The following NELL1 variants were observed in gnomAD, a reference collection of about 807,000 sequenced individuals.
NELL1 encodes the protein neural EGFL like 1.
A neutral mutation model predicts 107.4 loss-of-function variants in NELL1; 76 were observed. That is an observed-to-expected ratio of 0.71 (90% confidence interval 0.59 to 0.86). The LOEUF is 0.86. NELL1 is among the 40% of genes least tolerant of loss of function. The pLI is 0.00. For missense variants in NELL1, 1,024 were observed against 1,005.5 expected (o/e 1.02, Z -0.25); for synonymous variants, 353 against 341.2 (o/e 1.03, Z -0.38).
chr11:20,729,471 G>A (rs1268117851), intron 2 of NELL1, among the ~76,000 whole-genome samples: 1 of 152,038 alleles, frequency 6.6e-6, no homozygotes, highest in Non-Finnish European at 1.5e-5. Context: ...ATTATTTTGA[G>A]TTATGTCCCT....
intron 13 of NELL1, among the ~76,000 whole-genome samples, chr11:21,187,241 A>G (rs1856954025): frequency 6.6e-6 from 1 of 151,866 alleles, no homozygotes; most frequent in African/African-American, 2.4e-5. Flanking sequence ...TTGACAGAGA[A>G]AAGTGACATG....
intron 15 of NELL1, among the ~76,000 whole-genome samples, chr11:21,432,001 T>C (rs942833090): frequency 1.2e-4 from 18 of 152,204 alleles, no homozygotes; most frequent in African/African-American, 4.3e-4. Flanking sequence ...ATCTTGCTTC[T>C]TCTGTGTAGA....
At chr11:21,290,059 G>A (rs574661808) in intron 14 of NELL1, among the ~76,000 whole-genome samples, 130 of 152,296 alleles carry the variant, frequency 8.5e-4, no homozygotes, top group African/African-American at 3.0e-3. Flanking sequence ...GCATCTGTGG[G>A]TGCAGCTTAA....
At chr11:20,799,736 G>A (rs1313089453) in intron 3 of NELL1, among the ~76,000 whole-genome samples, 3 of 152,170 alleles carry the variant, frequency 2.0e-5, no homozygotes, top group Admixed American at 6.5e-5. Flanking sequence ...TTGTTACACT[G>A]TTATACTGCA....
At chr11:21,535,619 G>A (rs1856117611) in intron 16 of NELL1, among the ~76,000 whole-genome samples, 1 of 152,150 alleles carries the variant, frequency 6.6e-6, no homozygotes, top group African/African-American at 2.4e-5. Flanking sequence ...TGGACCAGAT[G>A]TTGGCAGTCA....
chr11:21,557,531 A>T (rs1856747992), intron 16 of NELL1, among the ~76,000 whole-genome samples: 1 of 152,026 alleles, frequency 6.6e-6, no homozygotes, highest in African/African-American at 2.4e-5. Context: ...GGTTGAAGTT[A>T]TACTTCCAGA....
intron 12 of NELL1, among the ~76,000 whole-genome samples, chr11:21,005,857 AG>A (rs960328772): frequency 9.9e-5 from 15 of 152,278 alleles, no homozygotes; most frequent in Non-Finnish European, 1.8e-4. Context: ...TCAAAATATT[AG>A]GAACATCTCT....
At chr11:20,882,460 G>A (rs2134102719) in intron 4 of NELL1, among the ~76,000 whole-genome samples, 1 of 152,266 alleles carries the variant, frequency 6.6e-6, no homozygotes, top group East Asian at 1.9e-4. Flanking sequence ...AAAACTTATA[G>A]GAGTGATACA....
intron 5 of NELL1, among the ~76,000 whole-genome samples, chr11:20,889,515 T>C (rs1414992602): frequency 1.3e-5 from 2 of 152,300 alleles, no homozygotes; most frequent in Admixed American, 6.5e-5. Flanking sequence ...GCAAGAAGAA[T>C]TGGAGAGCAA....
At chr11:20,974,050 T>C (rs778341161) in intron 12 of NELL1, among the ~76,000 whole-genome samples, 40 of 152,304 alleles carry the variant, frequency 2.6e-4, no homozygotes, top group African/African-American at 4.6e-4. Context: ...GAGGAAGGAA[T>C]GGAAATGAGC....
At chr11:21,165,418 C>CA (rs1856458319) in intron 13 of NELL1, among the ~76,000 whole-genome samples, 1 of 152,334 alleles carries the variant, frequency 6.6e-6, no homozygotes. Flanking sequence ...GGCAACTTGA[C>CA]AATTCTGCCT....
intron 11 of NELL1, among the ~76,000 whole-genome samples, chr11:20,954,741 A>G (rs1313054575): frequency 6.6e-6 from 1 of 152,246 alleles, no homozygotes; most frequent in East Asian, 1.9e-4. Context: ...ATGGTTAGGC[A>G]TAATCAAAGT....
chr11:21,337,149 G>A (rs1349521259), intron 14 of NELL1, among the ~76,000 whole-genome samples: 1 of 152,084 alleles, frequency 6.6e-6, no homozygotes, highest in East Asian at 1.9e-4. Context: ...AGTACAGAGT[G>A]CAGTATTTCC....
intron 15 of NELL1, among the ~76,000 whole-genome samples, chr11:21,471,717 A>G (rs1472166285): frequency 2.0e-5 from 3 of 152,072 alleles, no homozygotes; most frequent in Non-Finnish European, 4.4e-5. Context: ...TCCAAGGTCA[A>G]AAGACATAAA....
At chr11:21,517,823 T>A (rs978269216) in intron 15 of NELL1, among the ~76,000 whole-genome samples, 1 of 152,140 alleles carries the variant, frequency 6.6e-6, no homozygotes, top group Non-Finnish European at 1.5e-5. Context: ...CATACTAAAG[T>A]GGTTTTTCAA....
chr11:21,443,669 C>T (rs1404865934), intron 15 of NELL1, among the ~76,000 whole-genome samples: 1 of 151,740 alleles, frequency 6.6e-6, no homozygotes, highest in Non-Finnish European at 1.5e-5. Flanking sequence ...AGGTGGATCA[C>T]CTGAGGTCAG....
At chr11:20,734,516 T>C (rs1855717389) in intron 2 of NELL1, among the ~76,000 whole-genome samples, 1 of 152,092 alleles carries the variant, frequency 6.6e-6, no homozygotes, top group Non-Finnish European at 1.5e-5. Context: ...ATATATTTTA[T>C]AGGTAGAGAC....
At chr11:20,764,201 A>G (rs1223566682) in intron 2 of NELL1, among the ~76,000 whole-genome samples, 1 of 152,238 alleles carries the variant, frequency 6.6e-6, no homozygotes, top group Non-Finnish European at 1.5e-5. Flanking sequence ...CTGAAATGCT[A>G]TATCCATTAA....
chr11:21,333,988 T>C (rs988980284), intron 14 of NELL1, among the ~76,000 whole-genome samples: 2 of 152,048 alleles, frequency 1.3e-5, no homozygotes, highest in African/African-American at 4.8e-5. Flanking sequence ...GAACACACAA[T>C]TACTTAAGGG....
Sources: allele counts gnomAD v4.1 joint callset (sites outside exome capture counted in the v4.1 genomes callset), GRCh38; gene constraint gnomAD v4.1.1; transcripts MANE v1.5; gene names NCBI Gene and HGNC (gene_info 2026-07-23, HGNC 2026-07-21).